Variants in ADORA2B observed in about 807,000 individuals in gnomAD.
The protein encoded by ADORA2B is adenosine A2b receptor.
Under a neutral mutation model 20.8 loss-of-function variants are expected in ADORA2B, and 18 were observed. That is an observed-to-expected ratio of 0.87 (90% confidence interval 0.60 to 1.29). ADORA2B has a LOEUF of 1.29. Ranked by LOEUF, ADORA2B falls within the 50% of genes most tolerant of loss-of-function variation. The pLI is 0.00. For missense variants in ADORA2B, 441 were observed against 422.7 expected (o/e 1.04, Z -0.38); for synonymous variants, 179 against 178.3 (o/e 1.00, Z -0.03).
the ADORA2B span, among the ~76,000 whole-genome samples, chr17:15,921,599 AT>A: frequency 6.6e-6 from 1 of 152,210 alleles, no homozygotes; most frequent in African/African-American, 2.4e-5. Context: ...AAATTAACAT[AT>A]TTTTTGGTAG....
In ADORA2B at chr17:15,948,185, G is replaced by A. The variant is rs1056462188; in HGVS notation, c.335+2602G>A. The stretch of plus-strand genomic sequence containing the variant: ...GGCTCCAAGTGTGAGGCCTGTGGCC[G>A]CAGAGACCACAGCCCCCACCTGCCA... On this transcript the variant is annotated intron_variant, in intron 1 of 1. Coordinates refer to ENST00000304222, the MANE Select transcript of ADORA2B (RefSeq NM_000676.4). 3.3e-4 allele frequency among the ~76,000 whole-genome samples: 16 copies of A among 48,308 alleles called. No homozygotes were observed. In the East Asian group the frequency reaches 0.013, roughly 41 times the overall value. 31.7% of individuals were successfully genotyped at this position (48,308 alleles called of 152,430 possible). A position where few individuals can be genotyped will look rare whatever the true frequency, so the allele number is the denominator to read the frequency against.
intron 1 of ADORA2B, among the ~76,000 whole-genome samples, chr17:15,966,037 T>C (rs1427449927): frequency 6.6e-6 from 1 of 152,238 alleles, no homozygotes; most frequent in Non-Finnish European, 1.5e-5. Flanking sequence ...GTTTGAGTGG[T>C]CTGCTCTAGC....
chr17:15,875,787 G>A, the ADORA2B span, among the ~76,000 whole-genome samples: 1 of 152,052 alleles, frequency 6.6e-6, no homozygotes, highest in Non-Finnish European at 1.5e-5. Flanking sequence ...CACCATGTTG[G>A]CCAGGATGGT....
chr17:15,944,586 G>A (rs1425559974), upstream of ADORA2B, among the ~76,000 whole-genome samples: 3 of 150,592 alleles, frequency 2.0e-5, no homozygotes, highest in African/African-American at 7.3e-5. The surrounding 1 kb of genome is among the most constrained non-coding windows in gnomAD (Gnocchi z 4.8). Context: ...TGCAGCCCCC[G>A]AGGGCTCCTT....
intron 1 of ADORA2B, among the ~76,000 whole-genome samples, chr17:15,971,702 G>A (rs1301430135): frequency 7.0e-6 from 1 of 142,912 alleles, no homozygotes; most frequent in Non-Finnish European, 1.5e-5. Flanking sequence ...TAATGATCTC[G>A]GCTCACTGCA....
At chr17:15,929,142 A>AG in the ADORA2B span, among the ~76,000 whole-genome samples, 22 of 152,162 alleles carry the variant, frequency 1.4e-4, no homozygotes, top group African/African-American at 5.1e-4. Flanking sequence ...GAAGAGGCTG[A>AG]GGAGGATGTA....
At chr17:15,947,115 C>T (rs1294179082) in intron 1 of ADORA2B, among the ~76,000 whole-genome samples, 1 of 152,094 alleles carries the variant, frequency 6.6e-6, no homozygotes, top group African/African-American at 2.4e-5. Flanking sequence ...GACCAGGAGG[C>T]CTTATGTCTC....
the ADORA2B span, among the ~76,000 whole-genome samples, chr17:15,851,233 A>G: frequency 1.3e-5 from 2 of 150,020 alleles, no homozygotes; most frequent in East Asian, 1.9e-4. Context: ...AAGGGATTTA[A>G]TCCAGGGCAT....
At chr17:15,949,884 G>A (rs1345772993) in intron 1 of ADORA2B, among the ~76,000 whole-genome samples, 1 of 152,072 alleles carries the variant, frequency 6.6e-6, no homozygotes, top group Non-Finnish European at 1.5e-5. Context: ...AGCTTGGCAG[G>A]AAGATTTCTG....
At chr17:15,890,757 C>T in the ADORA2B span, among the ~76,000 whole-genome samples, 2 of 152,088 alleles carry the variant, frequency 1.3e-5, no homozygotes, top group Non-Finnish European at 2.9e-5. Context: ...GCACAGCAGC[C>T]CCACTGGCTA....
chr17:15,934,484 A>C, the ADORA2B span, among the ~76,000 whole-genome samples: 1 of 152,090 alleles, frequency 6.6e-6, no homozygotes, highest in Non-Finnish European at 1.5e-5. Flanking sequence ...TTGGCCTCCC[A>C]AACTGTTGGG....
chr17:15,877,687 C>G, the ADORA2B span, among the ~76,000 whole-genome samples: 1 of 152,118 alleles, frequency 6.6e-6, no homozygotes, highest in East Asian at 1.9e-4. Flanking sequence ...GGTCCAGAGG[C>G]TTCATTTTAT....
the ADORA2B span, among the ~76,000 whole-genome samples, chr17:15,928,378 GA>G: frequency 2.0e-5 from 3 of 151,610 alleles, no homozygotes; most frequent in Non-Finnish European, 2.9e-5. Context: ...AGTATGGAAA[GA>G]TAACAGTGCA....
rs185630043 is a variant in ADORA2B at position 15,950,159 on chromosome 17, C to T, written c.335+4576C>T. 9.2e-5 allele frequency among the ~76,000 whole-genome samples: 14 copies of T among 152,320 alleles called. No homozygotes were observed. In the East Asian group the frequency reaches 2.7e-3, roughly 29 times the overall value. On this transcript the variant is annotated intron_variant, in intron 1 of 1. Coordinates refer to ENST00000304222, the MANE Select transcript of ADORA2B (RefSeq NM_000676.4). ...GAGCTTATTTGGATTATCTGGGCGG[C>T]CTCTTAATGCATTTGCACTCTTAGA... is the stretch of plus-strand genomic sequence containing the variant.
At chr17:15,928,061 G>A in the ADORA2B span, among the ~76,000 whole-genome samples, 1 of 152,126 alleles carries the variant, frequency 6.6e-6, no homozygotes, top group Admixed American at 6.5e-5. Context: ...GCCCGCCTCA[G>A]CCTCCCAAAG....
chr17:15,954,821 G>A (rs1265276809), intron 1 of ADORA2B, among the ~76,000 whole-genome samples: 1 of 152,132 alleles, frequency 6.6e-6, no homozygotes, highest in African/African-American at 2.4e-5. Flanking sequence ...ATTGTGGTTC[G>A]GAAGTGTTTT....
chr17:15,856,084 TC>T, the ADORA2B span, among the ~76,000 whole-genome samples: 1 of 152,040 alleles, frequency 6.6e-6, no homozygotes, highest in Non-Finnish European at 1.5e-5. Context: ...ATCTCCATAA[TC>T]CCCATGTGTC....
chr17:15,875,191 A>C, the ADORA2B span, among the ~76,000 whole-genome samples: 2 of 152,172 alleles, frequency 1.3e-5, no homozygotes, highest in African/African-American at 4.8e-5. Context: ...GTCTGCAGAG[A>C]TCCTGATGAG....
the ADORA2B span, among the ~76,000 whole-genome samples, chr17:15,870,458 A>G: frequency 6.6e-6 from 1 of 152,150 alleles, no homozygotes; most frequent in African/African-American, 2.4e-5. Context: ...GGGCATACCA[A>G]TAAAGTTAGC....
Sources: gnomAD v4.1 joint callset for allele counts (sites outside exome capture counted in the v4.1 genomes callset) on GRCh38, gnomAD v4.1.1 for gene constraint, Gnocchi (gnomAD v3.1) non-coding constraint, MANE v1.5 for transcripts, NCBI Gene and HGNC (gene_info 2026-07-23, HGNC 2026-07-21) for gene names.